The following TPCN2 variants were observed in gnomAD, a reference collection of about 807,000 sequenced individuals.
The protein encoded by TPCN2 is two pore channel protein 2.
A neutral mutation model predicts 111.4 loss-of-function variants in TPCN2; 92 were observed. That is an observed-to-expected ratio of 0.83 (90% CI 0.70 to 0.98). The LOEUF is 0.98. TPCN2 is among the 50% of genes least tolerant of loss of function. TPCN2 has a pLI of 0.00. For missense variants in TPCN2, 995 were observed against 980.1 expected (o/e 1.02, Z -0.20); for synonymous variants, 405 against 414.5 (o/e 0.98, Z 0.28).
At position 69,069,194 on chromosome 11, in the gene TPCN2, A is replaced by AC. The variant is rs1199018816; in HGVS notation, c.830-1235dup. On this transcript the variant is annotated intron_variant, in intron 8 of 24. Coordinates refer to ENST00000294309, the MANE Select transcript of TPCN2 (RefSeq NM_139075.4). The stretch of plus-strand genomic sequence containing the variant: ...AGGACTGTCTGAGTCCTAGCAAGTG[A>AC]CACAGGGGGAGCAGGACCGTCTGAG... Among the ~76,000 whole-genome samples, 673 of 139,066 alleles carry AC rather than the reference A, an allele frequency of 4.8e-3. 14 individuals are homozygous for AC. Among genetic ancestry groups the AC allele is most frequent in the African/African-American group, 0.018 (632 of 34,880 alleles). The allele number at this position is 139,066 out of a possible 152,430, so 91.2% of individuals were successfully genotyped here. A position where few individuals can be genotyped will look rare whatever the true frequency, so the allele number is the denominator to read the frequency against.
chr11:69,072,628 G>C lies in TPCN2; in HGVS notation c.1063G>C (p.Val355Leu). Residue 355 changes from valine (V) to leucine (L), a missense_variant and splice_region_variant, in exon 12 of 25, where the codon GTT (valine) becomes CTT (leucine). Val to Leu is a conservative substitution (Grantham distance 32). Transcript: ENST00000294309. ...CGGGCTGTGGGTTTTTCCCTGCAGA[G>C]TTGGGGTGAAGCCCCAGAACTTGCT... ...VGEGGAFPQAVGVKPQNLLQV... is the reference protein window; with the variant it reads ...VGEGGAFPQALGVKPQNLLQV... The C allele has an allele frequency of 6.2e-7, 1 of 1,613,920 alleles. No individual in the cohort carries two copies. Among genetic ancestry groups the C allele is most frequent in the Non-Finnish European group, 8.5e-7 (1 of 1,179,994 alleles).
At chr11:69,051,575 G>A (rs866915663) in intron 1 of TPCN2, among the ~76,000 whole-genome samples, 2 of 152,200 alleles carry the variant, frequency 1.3e-5, no homozygotes, top group Non-Finnish European at 2.9e-5. Flanking sequence ...TGGATGTTGC[G>A]GGGCAGAGGC....
intron 5 of TPCN2, among the ~76,000 whole-genome samples, chr11:69,060,213 A>T (rs2030654551): frequency 6.6e-6 from 1 of 152,082 alleles, no homozygotes; most frequent in Non-Finnish European, 1.5e-5. Context: ...CACACAGGGG[A>T]CTGCCCAACC....
At chr11:69,065,831 C>T (rs561433826) in intron 7 of TPCN2, among the ~76,000 whole-genome samples, 2 of 152,142 alleles carry the variant, frequency 1.3e-5, no homozygotes, top group Admixed American at 6.5e-5. Flanking sequence ...TTTCTCAGGT[C>T]GGGGCTGTGG....
In TPCN2 at chr11:69,071,922, G is replaced by C. The variant is rs1195923668; in HGVS notation, c.961-1G>C. 6.2e-7 allele frequency: 1 copy of C among 1,613,694 alleles called. No individual in the cohort carries two copies. The highest frequency in any genetic ancestry group is 1.3e-5 in the African/African-American group (1 of 74,948). ...GCCGTTCATAGCCTTCCTCTTTGCAGAAATCTCTCCAGACCTCGCTGTTTC... is the reference window on the plus strand; with the variant it reads ...GCCGTTCATAGCCTTCCTCTTTGCACAAATCTCTCCAGACCTCGCTGTTTC... On this transcript the variant is annotated splice_acceptor_variant, in intron 10 of 24. Transcript: ENST00000294309. LOFTEE classifies it high-confidence loss of function.
chr11:69,079,942 C>A lies in TPCN2; in HGVS notation c.1589+59C>A, dbSNP rs1423505721. On this transcript the variant is annotated intron_variant, in intron 17 of 24. Transcript: ENST00000294309. ...GCAAACAGCACCACCACCCAGCGCC[C>A]CTGGGAGGGTCTCAGTGGTGTCCAG... 7.8e-6 allele frequency: 12 copies of A among 1,542,288 alleles called. No individual in the cohort carries two copies. The East Asian group carries it at 2.5e-4, about 32-fold the overall frequency.
intron 7 of TPCN2, among the ~76,000 whole-genome samples, chr11:69,065,688 G>A (rs895250395): frequency 6.6e-5 from 10 of 152,226 alleles, no homozygotes; most frequent in African/African-American, 2.2e-4. Flanking sequence ...GCGGTCCAGA[G>A]CCAGCCTGCT....
chr11:69,065,607 C>T (rs1407978012), intron 7 of TPCN2, among the ~76,000 whole-genome samples: 3 of 152,216 alleles, frequency 2.0e-5, no homozygotes, highest in African/African-American at 7.2e-5. Flanking sequence ...CCCTGCCACC[C>T]TGGCCTGGGG....
chr11:69,083,765 G>A (rs912477580), intron 18 of TPCN2, among the ~76,000 whole-genome samples, 180 bp from the exon 19 acceptor site: 16 of 152,134 alleles, frequency 1.1e-4, no homozygotes, highest in African/African-American at 3.6e-4. Context: ...GGGCCTGACA[G>A]GCTGTGTGGG....
rs760263859 is a variant in TPCN2 at position 69,067,589 on chromosome 11, G to A, written c.813G>A (p.Thr271=). The part of the protein sequence containing the change: ...SLTSLLVLLT[T]ANNPDVMIPA... ...CTTCCCTCCTGGTGCTGCTGACCAC[G>A]GCCAACAACCCCGATGGTGCGTGCA... The change falls in exon 8 of 25, where the codon ACG becomes ACA. Residue 271 remains threonine, a synonymous_variant. Transcript: ENST00000294309. The A allele has an allele frequency of 6.2e-6, 10 of 1,613,768 alleles. No individual in the cohort carries two copies. Among genetic ancestry groups the A allele is most frequent in the African/African-American group, 1.3e-5 (1 of 74,938 alleles).
At position 69,072,967 on chromosome 11, in the gene TPCN2, T is replaced by C; in HGVS notation, c.1196T>C (p.Leu399Pro). 2 of 1,613,968 alleles carry C rather than the reference T, an allele frequency of 1.2e-6. No individual in the cohort carries two copies. Among genetic ancestry groups the C allele is most frequent in the South Asian group, 2.2e-5 (2 of 91,010 alleles). Residue 399 changes from leucine to proline, a missense_variant, in exon 13 of 25, where the codon CTC becomes CCC. Physicochemically the swap from Leu to Pro is moderately conservative, Grantham distance 98. Coordinates refer to ENST00000294309, the MANE Select transcript of TPCN2 (RefSeq NM_139075.4). ...CTCTCAGCTGAGGAGTTTCAGAAGC[T>C]CTTCAACGAGCTTGACAGAAGTGTG... is the stretch of plus-strand genomic sequence containing the variant. Reference protein sequence around the residue: ...VLLSAEEFQKLFNELDRSVVK... With the variant: ...VLLSAEEFQKPFNELDRSVVK...
chr11:69,058,814 C>G (rs1482076624), intron 5 of TPCN2, among the ~76,000 whole-genome samples: 1 of 152,234 alleles, frequency 6.6e-6, no homozygotes, highest in African/African-American at 2.4e-5. Context: ...GCGTGACTGC[C>G]CCAGCAAAGG....
At chr11:69,050,227 G>A (rs552781969) in intron 1 of TPCN2, among the ~76,000 whole-genome samples, 11 of 152,352 alleles carry the variant, frequency 7.2e-5, no homozygotes, top group Non-Finnish European at 1.3e-4. Flanking sequence ...GGACCAGTCA[G>A]GAAGGAGATC....
In TPCN2 at chr11:69,089,792, T is replaced by G. The variant is rs1253165234; in HGVS notation, c.*1839T>G. 1 of 152,318 alleles carries G rather than the reference T, an allele frequency of 6.6e-6. No homozygotes were observed. Among genetic ancestry groups the G allele is most frequent in the Non-Finnish European group, 1.5e-5 (1 of 68,074 alleles). 9.4% of individuals were successfully genotyped at this position (152,318 alleles called of 1,614,324 possible). A position where few individuals can be genotyped will look rare whatever the true frequency, so the allele number is the denominator to read the frequency against. On this transcript the variant is annotated 3_prime_UTR_variant, in exon 25 of 25. Coordinates refer to ENST00000294309, the MANE Select transcript of TPCN2 (RefSeq NM_139075.4). ...CTGCCTTTACTTTTTCCTTCCTTCC[T>G]TGCTCCCACCTGTGTGGATCCTGGT...
intron 18 of TPCN2, among the ~76,000 whole-genome samples, chr11:69,083,614 G>A (rs111370536): frequency 1.3e-5 from 2 of 152,226 alleles, no homozygotes; most frequent in Non-Finnish European, 2.9e-5. Context: ...TTTGAAGTCC[G>A]TGCTTGAATG....
At chr11:69,081,036 C>T (rs1007396210) in intron 17 of TPCN2, among the ~76,000 whole-genome samples, 4 of 151,970 alleles carry the variant, frequency 2.6e-5, no homozygotes, top group Non-Finnish European at 2.9e-5. Flanking sequence ...CATGGGCTCA[C>T]GCAGTTCTGC....
intron 7 of TPCN2, 132 bp downstream of exon 7, chr11:69,064,099 C>G (rs1855152375): frequency 1.2e-6 from 1 of 864,908 alleles, no homozygotes; most frequent in Non-Finnish European, 1.9e-6. Context: ...AGTGGCCCAT[C>G]TGGGGTCCAG....
intron 5 of TPCN2, among the ~76,000 whole-genome samples, chr11:69,059,041 G>T (rs1432449035): frequency 6.6e-6 from 1 of 152,240 alleles, no homozygotes; most frequent in African/African-American, 2.4e-5. Context: ...GGCCCTGCCT[G>T]GATCTCTTCT....
chr11:69,087,096 T>G lies in TPCN2; in HGVS notation c.2086-16T>G. 6.2e-7 allele frequency: 1 copy of G among 1,611,342 alleles called. No individual in the cohort carries two copies. Among genetic ancestry groups the G allele is most frequent in the Non-Finnish European group, 8.5e-7 (1 of 1,178,112 alleles). On this transcript the variant is annotated splice_polypyrimidine_tract_variant and intron_variant, in intron 23 of 24. Coordinates refer to ENST00000294309, the MANE Select transcript of TPCN2 (RefSeq NM_139075.4). ...TTCGGGGCCCACACTCACTGGCCAC[T>G]CCTCCTGCTTGCCAGAACTTCCTTC... is the stretch of plus-strand genomic sequence containing the variant.
Sources: allele counts gnomAD v4.1 joint callset (sites outside exome capture counted in the v4.1 genomes callset), GRCh38; gene constraint gnomAD v4.1.1; transcripts MANE v1.5; gene names NCBI Gene and HGNC (gene_info 2026-07-23, HGNC 2026-07-21).